Variants in GABBR2 observed in about 807,000 individuals in gnomAD.
The protein encoded by GABBR2 is gamma-aminobutyric acid type B receptor subunit 2.
Under a neutral mutation model 105.6 loss-of-function variants are expected in GABBR2, and 23 were observed. The observed-to-expected ratio is 0.22, with a 90% CI of 0.16 to 0.31. GABBR2 has a LOEUF of 0.31. Among genes scored for constraint, GABBR2 ranks in the 10% least tolerant of loss-of-function variants. GABBR2 has a pLI of 1.00. For synonymous variants in GABBR2, 478 were observed against 499.7 expected, an observed-to-expected ratio of 0.96 and a Z score of 0.58; for missense variants, 734 against 1,245.5, an observed-to-expected ratio of 0.59 and a Z score of 6.18.
At chr9:98,620,247 T>TTCTCTCTCTCTCTCTCTC in intron 1 of GABBR2, among the ~76,000 whole-genome samples, 2 of 146,508 alleles carry the variant, frequency 1.4e-5, no homozygotes, top group East Asian at 2.0e-4. Context: ...TTTTCTCTCT[T>TTCTCTCTCTCTCTCTCTC]TCTCTCTCTC....
In GABBR2 at chr9:98,388,258, C is replaced by T. The variant is rs112012505; in HGVS notation, c.1529+596G>A. Among the ~76,000 whole-genome samples the T allele has an allele frequency of 1.2e-3, 188 of 152,264 alleles. No individual in the cohort carries two copies. Among genetic ancestry groups the T allele is most frequent in the African/African-American group, 3.9e-3 (161 of 41,552 alleles). ...AAGAAACCAAGAAGACAGTCTGCCA[C>T]GAGTGGACAGCAGCACTCTGTCGCT... is the stretch of plus-strand genomic sequence containing the variant. On this transcript the variant is annotated intron_variant, in intron 10 of 18. Coordinates refer to ENST00000259455, the MANE Select transcript of GABBR2 (RefSeq NM_005458.8). The surrounding 1 kb of genome is among the most constrained non-coding windows in gnomAD (Gnocchi z 4.4).
chr9:98,409,793 G>A (rs571638313), intron 7 of GABBR2, among the ~76,000 whole-genome samples: 13 of 152,300 alleles, frequency 8.5e-5, no homozygotes, highest in African/African-American at 3.1e-4. Flanking sequence ...GATTGCCACT[G>A]CATCACATTT....
At chr9:98,316,689 A>C (rs1258678264) in intron 13 of GABBR2, among the ~76,000 whole-genome samples, 1 of 152,198 alleles carries the variant, frequency 6.6e-6, no homozygotes. Flanking sequence ...TGACTTCACC[A>C]GATAACATCA....
intron 1 of GABBR2, among the ~76,000 whole-genome samples, chr9:98,696,480 T>C (rs1830753845): frequency 6.6e-6 from 1 of 152,162 alleles, no homozygotes; most frequent in African/African-American, 2.4e-5. Flanking sequence ...GCTGGGTCAG[T>C]GGTCTTAATT....
intron 13 of GABBR2, among the ~76,000 whole-genome samples, chr9:98,353,813 G>T (rs1017544538): frequency 6.6e-6 from 1 of 152,096 alleles, no homozygotes; most frequent in African/African-American, 2.4e-5. Flanking sequence ...TGGTGGGGGG[G>T]GGTGGCGGAA....
At chr9:98,316,577 T>C (rs758355762) in intron 13 of GABBR2, among the ~76,000 whole-genome samples, 1 of 152,254 alleles carries the variant, frequency 6.6e-6, no homozygotes. Context: ...GTTCTGGGCA[T>C]GCAGCAATAA....
intron 17 of GABBR2, among the ~76,000 whole-genome samples, chr9:98,296,919 T>C (rs951881153): frequency 8.5e-5 from 13 of 152,172 alleles, no homozygotes; most frequent in Non-Finnish European, 1.8e-4. Context: ...CCTTTCCTTT[T>C]GTGATTTCTG....
chr9:98,350,412 T>A (rs1271376996), intron 13 of GABBR2, among the ~76,000 whole-genome samples: 1 of 152,194 alleles, frequency 6.6e-6, no homozygotes, highest in Non-Finnish European at 1.5e-5. Flanking sequence ...TTTTGCTGTA[T>A]CTCATAGGTT....
intron 1 of GABBR2, among the ~76,000 whole-genome samples, chr9:98,624,789 T>C (rs1385701289): frequency 1.3e-5 from 2 of 152,144 alleles, no homozygotes; most frequent in East Asian, 3.9e-4. Context: ...TGAGAATCAG[T>C]GGTGGGCCAG....
chr9:98,606,987 T>G, intron 1 of GABBR2: 3 of 828,268 alleles, frequency 3.6e-6, no homozygotes, highest in Non-Finnish European at 6.3e-6. Flanking sequence ...GCTCGCCCCA[T>G]GTCGCTCGGT....
intron 4 of GABBR2, among the ~76,000 whole-genome samples, chr9:98,492,349 T>TTAAAAAAAAAAAAAAAAAAAAAAAAAA (rs752135873): frequency 6.8e-5 from 2 of 29,218 alleles, no homozygotes; most frequent in Non-Finnish European, 8.6e-5. Context: ...TGTTTCCTAG[T>TTAAAAAAAAAAAAAAAAAAAAAAAAAA]AAAAAAAAAA....
intron 7 of GABBR2, among the ~76,000 whole-genome samples, chr9:98,428,784 T>A (rs1324878264): frequency 1.3e-5 from 2 of 152,170 alleles, no homozygotes; most frequent in East Asian, 3.9e-4. Flanking sequence ...CTGGACTTGG[T>A]GCTGACATGA....
chr9:98,502,547 CTG>C (rs60798323), intron 3 of GABBR2, among the ~76,000 whole-genome samples: 1 of 152,360 alleles, frequency 6.6e-6, no homozygotes, highest in East Asian at 1.9e-4. Context: ...GGCCCCAAGA[CTG>C]TATCTGCATG....
intron 11 of GABBR2, among the ~76,000 whole-genome samples, chr9:98,378,258 G>C (rs1831912049): frequency 6.6e-6 from 1 of 152,134 alleles, no homozygotes; most frequent in Non-Finnish European, 1.5e-5. Flanking sequence ...ACACTCCCCA[G>C]TCCAGTGTCT....
intron 1 of GABBR2, chr9:98,607,146 A>T (rs1346828674): frequency 1.6e-5 from 25 of 1,610,134 alleles, no homozygotes; most frequent in Non-Finnish European, 3.4e-6. Context: ...GGTGGTGTTC[A>T]GTTGCTGCTC....
At chr9:98,365,048 G>T (rs1448947351) in intron 12 of GABBR2, among the ~76,000 whole-genome samples, 1 of 152,228 alleles carries the variant, frequency 6.6e-6, no homozygotes, top group East Asian at 1.9e-4. Context: ...GGGGCAGGGG[G>T]AGGGAGAGAG....
intron 13 of GABBR2, among the ~76,000 whole-genome samples, chr9:98,326,138 AG>A (rs1157991303): frequency 6.6e-6 from 1 of 152,222 alleles, no homozygotes; most frequent in African/African-American, 2.4e-5. Flanking sequence ...GCCAATCCAA[AG>A]GAAAGATGGG....
intron 8 of GABBR2, among the ~76,000 whole-genome samples, chr9:98,404,516 A>C (rs552369650): frequency 2.6e-5 from 4 of 152,310 alleles, no homozygotes; most frequent in African/African-American, 7.2e-5. Flanking sequence ...ATCTGCTCAA[A>C]GTGAGTGGGC....
At chr9:98,479,784 C>A (rs1337095328) in intron 5 of GABBR2, among the ~76,000 whole-genome samples, 1 of 152,188 alleles carries the variant, frequency 6.6e-6, no homozygotes, top group Admixed American at 6.5e-5. Flanking sequence ...GGCTCTCTGG[C>A]ACTGTGCTCA....
Sources: gnomAD v4.1 joint callset for allele counts (sites outside exome capture counted in the v4.1 genomes callset) on GRCh38, gnomAD v4.1.1 for gene constraint, Gnocchi (gnomAD v3.1) non-coding constraint, MANE v1.5 for transcripts, NCBI Gene and HGNC (gene_info 2026-07-23, HGNC 2026-07-21) for gene names.